Variants in CARMIL1 observed in about 807,000 individuals in gnomAD.
CARMIL1 encodes F-actin-uncapping protein LRRC16A.
CARMIL1 carries 90 observed loss-of-function variants against 177.1 expected under a neutral mutation model. The observed-to-expected ratio is 0.51, with a 90% CI of 0.43 to 0.61. The LOEUF (loss-of-function observed/expected upper bound fraction) is 0.61, where lower values mean the gene tolerates loss of function less well. CARMIL1 is among the 20% of genes least tolerant of loss of function. The pLI, the probability that CARMIL1 is intolerant of heterozygous loss-of-function variation, is 0.00. For missense variants in CARMIL1, 1,380 were observed against 1,667.0 expected, an observed-to-expected ratio of 0.83 and a Z score of 3.00; for synonymous variants, 577 against 606.2, an observed-to-expected ratio of 0.95 and a Z score of 0.71.
chr6:25,615,118 C>T lies in CARMIL1; in HGVS notation c.3980-4329C>T, dbSNP rs372046360. On this transcript the variant is annotated intron_variant, in intron 36 of 36. Coordinates refer to ENST00000329474, the MANE Select transcript of CARMIL1 (RefSeq NM_017640.6). ...TGACTGTCTTCACCTTTGAGAACTG[C>T]GTAGCAGTCTGCTTTCTGAATAGTT... Among the ~76,000 whole-genome samples, 14 of 152,316 alleles carry T rather than the reference C, an allele frequency of 9.2e-5. No homozygotes were observed. In the South Asian group the frequency reaches 2.9e-3, roughly 32 times the overall value.
intron 36 of CARMIL1, among the ~76,000 whole-genome samples, chr6:25,617,425 AAGCTTGATTATCCTTTAAATCT>A (rs1458689021): frequency 6.6e-6 from 1 of 152,164 alleles, no homozygotes; most frequent in Non-Finnish European, 1.5e-5. Context: ...GAAGAATGAA[AAGCTTGATTATCCTTTAAATCT>A]AAGAATTAGA....
intron 2 of CARMIL1, among the ~76,000 whole-genome samples, chr6:25,353,158 C>T (rs543487508): frequency 4.6e-5 from 7 of 152,252 alleles, no homozygotes; most frequent in Admixed American, 1.3e-4. Flanking sequence ...GACCCCTCTT[C>T]GTAAATTATG....
intron 2 of CARMIL1, among the ~76,000 whole-genome samples, chr6:25,413,547 T>C (rs1795102116): frequency 6.6e-6 from 1 of 152,232 alleles, no homozygotes; most frequent in African/African-American, 2.4e-5. Flanking sequence ...ACTGTGAGTC[T>C]TAACAGTAAG....
intron 2 of CARMIL1, among the ~76,000 whole-genome samples, chr6:25,372,646 G>A (rs1247468022): frequency 6.6e-6 from 1 of 152,144 alleles, no homozygotes; most frequent in Non-Finnish European, 1.5e-5. Context: ...TCTTTTGGAG[G>A]AGTCTTTAGG....
intron 8 of CARMIL1, among the ~76,000 whole-genome samples, chr6:25,460,783 G>A (rs956096664): frequency 1.6e-4 from 24 of 152,150 alleles, no homozygotes; most frequent in African/African-American, 5.8e-4. Context: ...TTAGTGTATT[G>A]TCTGTTATCT....
intron 27 of CARMIL1, among the ~76,000 whole-genome samples, chr6:25,551,922 A>G (rs1810146326): frequency 6.6e-6 from 1 of 152,214 alleles, no homozygotes; most frequent in Non-Finnish European, 1.5e-5. Flanking sequence ...AGCGAAAAAC[A>G]AAATGAGCCC....
At chr6:25,462,167 T>C (rs145241716) in intron 8 of CARMIL1, among the ~76,000 whole-genome samples, 1,932 of 152,314 alleles carry the variant, frequency 0.013, 30 homozygotes, top group African/African-American at 0.037. Context: ...AAGTTTTTAA[T>C]TTTGAATAAA....
chr6:25,584,737 ATTTCT>A (rs1185767201), intron 31 of CARMIL1, among the ~76,000 whole-genome samples: 1 of 152,152 alleles, frequency 6.6e-6, no homozygotes, highest in African/African-American at 2.4e-5. Flanking sequence ...CTTCAGAGAC[ATTTCT>A]TTTATCTGCC....
chr6:25,409,463 C>A (rs772127806), intron 2 of CARMIL1, among the ~76,000 whole-genome samples: 1 of 152,116 alleles, frequency 6.6e-6, no homozygotes, highest in African/African-American at 2.4e-5. Flanking sequence ...AGTGAAAAAG[C>A]TGAGGCCTGG....
At chr6:25,466,715 T>C (rs78114836) in intron 9 of CARMIL1, among the ~76,000 whole-genome samples, 14,503 of 152,232 alleles carry the variant, frequency 0.095, 834 homozygotes, top group East Asian at 0.18. Context: ...GACGTGGATC[T>C]GTAGGACATG....
In CARMIL1 at chr6:25,606,260, C is replaced by G; in HGVS notation, c.3834C>G (p.Thr1278=). The change falls in exon 35 of 37, where the codon ACC becomes ACG. Residue 1278 remains threonine, a synonymous_variant. Coordinates refer to ENST00000329474, the MANE Select transcript of CARMIL1 (RefSeq NM_017640.6). ...ARPVIPQKPR[T]ASRPDDIPDS... is the part of the protein sequence containing the mutation. ...CCGTCATCCCGCAGAAACCAAGAAC[C>G]GCCTCACGGCCTGGTAAGAGTTTTG... 1 of 1,613,376 alleles carries G rather than the reference C, an allele frequency of 6.2e-7. No homozygotes were observed. The highest frequency in any genetic ancestry group is 8.5e-7 in the Non-Finnish European group (1 of 1,179,690).
chr6:25,319,764 CT>C (rs10625095), intron 2 of CARMIL1, among the ~76,000 whole-genome samples: 36,266 of 118,384 alleles, frequency 0.31, 5,652 homozygotes, highest in African/African-American at 0.47. Context: ...CATTTGGTCA[CT>C]TTTTTTTTTT....
rs1780886462 is a variant in CARMIL1 at position 25,279,422 on chromosome 6, G to T, written c.-374G>T. ...TCACCTAGGGCTGTAGGTGCGGCGCGGAGGCTGGGCGGGAGCTACGCCGGC... is the reference window on the plus strand; with the variant it reads ...TCACCTAGGGCTGTAGGTGCGGCGCTGAGGCTGGGCGGGAGCTACGCCGGC... On this transcript the variant is annotated 5_prime_UTR_variant, in exon 1 of 37. Coordinates refer to ENST00000329474, the MANE Select transcript of CARMIL1 (RefSeq NM_017640.6). 1 of 350,542 alleles carries T rather than the reference G, an allele frequency of 2.9e-6. No homozygotes were observed. Among genetic ancestry groups the T allele is most frequent in the African/African-American group, 2.2e-5 (1 of 44,992 alleles). The allele number at this position is 350,542 out of a possible 1,614,324, so 21.7% of individuals were successfully genotyped here. A position where few individuals can be genotyped will look rare whatever the true frequency, so the allele number is the denominator to read the frequency against.
intron 2 of CARMIL1, among the ~76,000 whole-genome samples, chr6:25,398,064 A>G (rs1209520540): frequency 6.6e-6 from 1 of 152,206 alleles, no homozygotes; most frequent in East Asian, 1.9e-4. Context: ...CATTTTCTAA[A>G]GAATTAGAAA....
chr6:25,602,038 A>G (rs1398190071), intron 33 of CARMIL1, among the ~76,000 whole-genome samples: 1 of 152,234 alleles, frequency 6.6e-6, no homozygotes, highest in African/African-American at 2.4e-5. Context: ...ACAATTAACT[A>G]CATGGCAGGT....
chr6:25,297,210 C>T (rs765090575), intron 2 of CARMIL1, among the ~76,000 whole-genome samples: 1 of 152,252 alleles, frequency 6.6e-6, no homozygotes, highest in Non-Finnish European at 1.5e-5. Flanking sequence ...CACTGAATCA[C>T]AGTCACTGCT....
intron 11 of CARMIL1, chr6:25,479,185 C>T: frequency 3.9e-6 from 2 of 519,004 alleles, no homozygotes; most frequent in South Asian, 2.8e-5. Context: ...CAGTGATTAC[C>T]AGCCCTGTCC....
rs374224882 is a variant in CARMIL1, at chr6:25,597,780, T to G, written c.3120-2534T>G. Among the ~76,000 whole-genome samples, 76 of 152,328 alleles carry G rather than the reference T, an allele frequency of 5.0e-4. 3 individuals are homozygous for G. In the South Asian group the frequency reaches 0.015, roughly 30 times the overall value. ...TATGCCCCTGTTTTGGTGGAGCACC[T>G]TCTTGAATTGCTTCCTGAGAAAGAC... On this transcript the variant is annotated intron_variant, in intron 32 of 36. Coordinates refer to ENST00000329474, the MANE Select transcript of CARMIL1 (RefSeq NM_017640.6).
At chr6:25,392,006 A>G (rs1039434596) in intron 2 of CARMIL1, among the ~76,000 whole-genome samples, 5 of 151,862 alleles carry the variant, frequency 3.3e-5, no homozygotes, top group East Asian at 1.9e-4. Context: ...AATATCTGCA[A>G]TTCATCTTAG....
Sources: allele counts gnomAD v4.1 joint callset (sites outside exome capture counted in the v4.1 genomes callset), GRCh38; gene constraint gnomAD v4.1.1; transcripts MANE v1.5; gene names NCBI Gene and HGNC (gene_info 2026-07-23, HGNC 2026-07-21).